ALS2: variants seen among roughly 807,000 people sequenced by gnomAD.
ALS2 encodes the protein alsin Rho guanine nucleotide exchange factor ALS2.
Under a neutral mutation model 203.4 loss-of-function variants are expected in ALS2, and 117 were observed. The ratio of observed to expected loss-of-function variants is 0.58; its 90% CI spans 0.50 to 0.67. The LOEUF (loss-of-function observed/expected upper bound fraction) is 0.67, where lower values mean the gene tolerates loss of function less well. Among genes scored for constraint, ALS2 ranks in the 30% least tolerant of loss-of-function variants. The pLI is 0.00. For synonymous variants in ALS2, 718 were observed against 725.9 expected (o/e 0.99, Z 0.17); for missense variants, 1,715 against 1,989.4 (o/e 0.86, Z 2.62).
At chr2:201,736,996 A>C (rs1283357150) in intron 12 of ALS2, among the ~76,000 whole-genome samples, 2 of 152,160 alleles carry the variant, frequency 1.3e-5, no homozygotes, top group African/African-American at 4.8e-5. Context: ...TCAAAGTACA[A>C]ATAATTCCTA....
Position 201,724,373 on chromosome 2 carries a change from G to T in ALS2, c.3434C>A (p.Ser1145Tyr). 6.2e-7 allele frequency: 1 copy of T among 1,613,794 alleles called. No individual in the cohort carries two copies. Among genetic ancestry groups the T allele is most frequent in the Non-Finnish European group, 8.5e-7 (1 of 1,179,768 alleles). Residue 1145 changes from serine to tyrosine, a missense_variant, in exon 21 of 34, where the codon TCC (serine) becomes TAC (tyrosine). Coordinates refer to ENST00000264276, the MANE Select transcript of ALS2 (RefSeq NM_020919.4). ...GCCAATGAACATACTAGGAGAAGAG[G>T]ACGTCAATTTCCCACTTCGTAGAAG... is the stretch of plus-strand genomic sequence containing the variant. Reference protein sequence around the residue: ...HGLLRSGKLTSSSPSMFIGQW... With the variant: ...HGLLRSGKLTYSSPSMFIGQW...
chr2:201,778,567 G>A (rs1694754995), intron 1 of ALS2: 1 of 152,074 alleles, frequency 6.6e-6, no homozygotes, highest in African/African-American at 2.4e-5. Flanking sequence ...AAAGAAACAA[G>A]CCAGAGATTG....
intron 2 of ALS2, among the ~76,000 whole-genome samples, chr2:201,767,886 A>AG (rs1422973025): frequency 3.2e-4 from 45 of 138,820 alleles, no homozygotes; most frequent in African/African-American, 1.1e-3. Flanking sequence ...AAAAAAAAAA[A>AG]GACTGAAGGA....
At chr2:201,763,907 T>C (rs572975066) in intron 3 of ALS2, among the ~76,000 whole-genome samples, 2 of 152,204 alleles carry the variant, frequency 1.3e-5, no homozygotes, top group South Asian at 2.1e-4. Context: ...CTTTTCCATA[T>C]GACCAGAGAT....
chr2:201,714,865 A>T (rs1690266994), intron 25 of ALS2, among the ~76,000 whole-genome samples: 1 of 152,196 alleles, frequency 6.6e-6, no homozygotes. Context: ...TTCACAAACA[A>T]CTTTATGGGC....
intron 12 of ALS2, among the ~76,000 whole-genome samples, chr2:201,734,995 T>C (rs951902612): frequency 6.6e-6 from 1 of 152,204 alleles, no homozygotes; most frequent in African/African-American, 2.4e-5. Context: ...AATGTGGTAA[T>C]GTGTACATAC....
intron 29 of ALS2, among the ~76,000 whole-genome samples, chr2:201,705,704 A>C (rs1420701182): frequency 6.6e-6 from 1 of 152,164 alleles, no homozygotes; most frequent in Non-Finnish European, 1.5e-5. Flanking sequence ...TTTTTCCTTC[A>C]CTCAGTTTTA....
intron 29 of ALS2, 118 bp downstream of exon 29, chr2:201,706,728 T>C (rs564945068): frequency 1.3e-5 from 13 of 1,034,194 alleles, no homozygotes; most frequent in Admixed American, 2.1e-5. Context: ...AGAAGACATA[T>C]GCAAAAAATA....
At chr2:201,768,235 TA>T (rs1371412357) in intron 2 of ALS2, among the ~76,000 whole-genome samples, 1 of 152,212 alleles carries the variant, frequency 6.6e-6, no homozygotes, top group African/African-American at 2.4e-5. Flanking sequence ...AAGTTCTAGC[TA>T]AAGAATTCTA....
rs563349140 is a variant in ALS2 at position 201,775,854 on chromosome 2, T to C, written c.-61+5023A>G. On this transcript the variant is annotated intron_variant, in intron 1 of 33. Coordinates refer to ENST00000264276, the MANE Select transcript of ALS2 (RefSeq NM_020919.4). ...TTATTAGTTATAATGTTGTTACTAA[T>C]AGGATATGCACTAAGTCACTGATTC... 2.0e-5 allele frequency among the ~76,000 whole-genome samples: 3 copies of C among 152,346 alleles called. No individual in the cohort carries two copies. The South Asian group carries it at 6.2e-4, about 32-fold the overall frequency.
rs758284102 is a variant in ALS2 at position 201,768,911 on chromosome 2, A to C, written c.-26T>G. On this transcript the variant is annotated 5_prime_UTR_variant, in exon 2 of 34. Transcript: ENST00000264276. ...CGGTCAGTGGGAACACTCCATCACCAAATCATTCCTTCTTTACAGAAAGTC... is the reference window on the plus strand; with the variant it reads ...CGGTCAGTGGGAACACTCCATCACCCAATCATTCCTTCTTTACAGAAAGTC... The C allele has an allele frequency of 1.9e-6, 3 of 1,611,742 alleles. No homozygotes were observed. Among genetic ancestry groups the C allele is most frequent in the Non-Finnish European group, 2.5e-6 (3 of 1,178,070 alleles).
At chr2:201,768,254 G>A (rs530817669) in intron 2 of ALS2, among the ~76,000 whole-genome samples, 49 of 152,262 alleles carry the variant, frequency 3.2e-4, no homozygotes, top group African/African-American at 1.1e-3. Context: ...CTACACATCT[G>A]ATGATTTCGG....
intron 3 of ALS2, chr2:201,763,176 C>A: frequency 8.9e-6 from 2 of 224,794 alleles, no homozygotes; most frequent in Non-Finnish European, 1.7e-5. Flanking sequence ...GCCAAGCTCT[C>A]CAATGTCCCC....
intron 20 of ALS2, among the ~76,000 whole-genome samples, 197 bp downstream of exon 20, chr2:201,725,159 G>T (rs1387474744): frequency 2.0e-5 from 3 of 151,440 alleles, no homozygotes; most frequent in Non-Finnish European, 4.4e-5. Context: ...TAATAATCCA[G>T]TATTTTAATC....
chr2:201,756,593 A>C (rs73055614), intron 5 of ALS2, among the ~76,000 whole-genome samples: 16 of 152,074 alleles, frequency 1.1e-4, no homozygotes, highest in Admixed American at 1.0e-3. Flanking sequence ...ATATAGCTTC[A>C]CTCATTCATT....
chr2:201,742,187 T>C (rs1354296759), intron 10 of ALS2, among the ~76,000 whole-genome samples: 1 of 152,216 alleles, frequency 6.6e-6, no homozygotes, highest in Non-Finnish European at 1.5e-5. Context: ...AGATAAGTAA[T>C]CTGAAGCCAA....
At chr2:201,774,273 C>A (rs1255094646) in intron 1 of ALS2, among the ~76,000 whole-genome samples, 1 of 152,016 alleles carries the variant, frequency 6.6e-6, no homozygotes, top group Non-Finnish European at 1.5e-5. Flanking sequence ...AAGGAGGATG[C>A]CATCCAGAAT....
Position 201,700,291 on chromosome 2 carries a change from A to G in ALS2, c.*1560T>C, listed in dbSNP as rs181951966. Among the ~76,000 whole-genome samples the G allele has an allele frequency of 3.9e-5, 6 of 152,360 alleles. No individual in the cohort carries two copies. The highest frequency in any genetic ancestry group is 6.5e-5 in the Admixed American group (1 of 15,304). ...CTATCAAAATATGCTTTTTATTCAA[A>G]GAAATAATAGATTTCTTTGGAGACC... On this transcript the variant is annotated 3_prime_UTR_variant, in exon 34 of 34. Coordinates refer to ENST00000264276, the MANE Select transcript of ALS2 (RefSeq NM_020919.4).
chr2:201,744,934 A>G (rs1317782871), intron 9 of ALS2, among the ~76,000 whole-genome samples: 1 of 152,210 alleles, frequency 6.6e-6, no homozygotes, highest in Non-Finnish European at 1.5e-5. Flanking sequence ...GTACAATGAA[A>G]AGAGATTTTC....
Sources: allele counts gnomAD v4.1 joint callset (sites outside exome capture counted in the v4.1 genomes callset), GRCh38; gene constraint gnomAD v4.1.1; transcripts MANE v1.5; gene names NCBI Gene and HGNC (gene_info 2026-07-23, HGNC 2026-07-21).